The following RANBP2 variants were observed in gnomAD, a reference collection of about 807,000 sequenced individuals.
RANBP2 encodes E3 SUMO-protein ligase RanBP2.
RANBP2 carries 57 observed loss-of-function variants against 303.6 expected under a neutral mutation model. The ratio of observed to expected loss-of-function variants is 0.19; its 90% CI spans 0.15 to 0.23. The LOEUF is 0.23. Ranked by LOEUF, RANBP2 falls within the 10% of genes least tolerant of loss-of-function variation. The pLI is 1.00. For missense variants in RANBP2, 3,138 were observed against 3,780.8 expected, an observed-to-expected ratio of 0.83 and a Z score of 4.46; for synonymous variants, 1,167 against 1,301.5, an observed-to-expected ratio of 0.90 and a Z score of 2.23.
Position 108,735,630 on chromosome 2 carries a change from C to T in RANBP2, c.504C>T (p.Asn168=), listed in dbSNP as rs1352081648. The part of the protein sequence containing the change: ...LYVRPDDVHV[N]IRLVEVYRST... ...TAAGACCTGATGACGTCCATGTGAA[C>T]ATCCGGCTAGTGGAGGTGTATCGCT... The change falls in exon 5 of 29, where the codon AAC becomes AAT. Residue 168 remains asparagine, a synonymous_variant. Coordinates refer to ENST00000283195, the MANE Select transcript of RANBP2 (RefSeq NM_006267.5). 6.3e-7 allele frequency: 1 copy of T among 1,597,576 alleles called. No homozygotes were observed. Among genetic ancestry groups the T allele is most frequent in the Admixed American group, 1.7e-5 (1 of 60,006 alleles).
At chr2:109,121,236 C>T in the RANBP2 span, among the ~76,000 whole-genome samples, 1 of 145,784 alleles carries the variant, frequency 6.9e-6, no homozygotes, top group East Asian at 2.0e-4. Flanking sequence ...GACAGAGTGA[C>T]ACTCCATCTC....
chr2:109,576,549 GA>G, the RANBP2 span, among the ~76,000 whole-genome samples: 1 of 152,026 alleles, frequency 6.6e-6, no homozygotes, highest in East Asian at 1.9e-4. Flanking sequence ...GACCCAATAG[GA>G]TTTACTTTCC....
chr2:109,529,725 C>A, the RANBP2 span, among the ~76,000 whole-genome samples: 3 of 152,174 alleles, frequency 2.0e-5, no homozygotes, highest in Non-Finnish European at 2.9e-5. Context: ...GAAGGACAGA[C>A]CCTGAAGGTC....
the RANBP2 span, among the ~76,000 whole-genome samples, chr2:109,038,350 T>C: frequency 6.8e-3 from 1,034 of 152,148 alleles, 6 homozygotes; most frequent in East Asian, 0.035. Flanking sequence ...AAACTTTTGC[T>C]CTGGCCAAGT....
At chr2:109,415,806 C>G in the RANBP2 span, among the ~76,000 whole-genome samples, 1 of 152,208 alleles carries the variant, frequency 6.6e-6, no homozygotes, top group Non-Finnish European at 1.5e-5. Flanking sequence ...TCACCACCTC[C>G]CTGCTGTGGC....
chr2:109,093,627 T>C, the RANBP2 span, among the ~76,000 whole-genome samples: 1 of 151,844 alleles, frequency 6.6e-6, no homozygotes. Flanking sequence ...AAAAAGATTT[T>C]TTTTTAAGAA....
chr2:109,595,482 T>C, the RANBP2 span, among the ~76,000 whole-genome samples: 1 of 152,096 alleles, frequency 6.6e-6, no homozygotes, highest in Admixed American at 6.6e-5. Flanking sequence ...CAGTATCACG[T>C]CCCTCTAGTC....
chr2:109,031,536 C>G, the RANBP2 span, among the ~76,000 whole-genome samples: 1 of 152,234 alleles, frequency 6.6e-6, no homozygotes, highest in Non-Finnish European at 1.5e-5. Context: ...GCCCGCCTCG[C>G]CGGGCTGCAC....
chr2:109,141,946 C>T, the RANBP2 span, among the ~76,000 whole-genome samples: 7 of 152,192 alleles, frequency 4.6e-5, no homozygotes, highest in East Asian at 1.9e-4. Context: ...TCTACACTCA[C>T]GGAAGTCTCA....
At chr2:109,449,619 G>T in the RANBP2 span, 3 of 1,213,452 alleles carry the variant, frequency 2.5e-6, no homozygotes, top group East Asian at 2.7e-5. Context: ...GCCCCTAGAT[G>T]AACCAGGCGT....
chr2:109,116,125 C>T, the RANBP2 span, among the ~76,000 whole-genome samples: 1,039 of 152,204 alleles, frequency 6.8e-3, 15 homozygotes, highest in Admixed American at 0.022. Flanking sequence ...TTGCTCTTCT[C>T]GAGGAGTATC....
At chr2:108,980,959 G>A in the RANBP2 span, among the ~76,000 whole-genome samples, 2 of 125,582 alleles carry the variant, frequency 1.6e-5, no homozygotes, top group Non-Finnish European at 3.5e-5. Flanking sequence ...GGAAAGACAG[G>A]GACCTCTGAC....
the RANBP2 span, chr2:109,398,709 C>T: frequency 6.2e-7 from 1 of 1,612,524 alleles, no homozygotes; most frequent in African/African-American, 1.3e-5. Context: ...CCCCAAGTCC[C>T]ACTTTAAGCA....
chr2:109,452,765 A>C, the RANBP2 span, among the ~76,000 whole-genome samples: 1 of 149,412 alleles, frequency 6.7e-6, no homozygotes, highest in Non-Finnish European at 1.5e-5. Context: ...TGGTGCTGGC[A>C]GGCTGGTCCC....
chr2:109,564,403 C>T, the RANBP2 span: 1 of 1,591,164 alleles, frequency 6.3e-7, no homozygotes, highest in Non-Finnish European at 8.6e-7. Context: ...TCTGTAAAGC[C>T]CATTTCCTCC....
the RANBP2 span, chr2:108,911,136 G>C: frequency 1.2e-6 from 2 of 1,604,614 alleles, no homozygotes; most frequent in Non-Finnish European, 1.7e-6. Context: ...TTCCCTCCAG[G>C]ACTCCGGCCC....
At chr2:108,854,292 G>A in the RANBP2 span, among the ~76,000 whole-genome samples, 670 of 151,284 alleles carry the variant, frequency 4.4e-3, 4 homozygotes, top group African/African-American at 0.016. Flanking sequence ...TGATTTGGTA[G>A]GAAGCCAGTA....
the RANBP2 span, among the ~76,000 whole-genome samples, chr2:109,650,888 C>A: frequency 6.6e-6 from 1 of 152,110 alleles, no homozygotes; most frequent in Non-Finnish European, 1.5e-5. Context: ...TTATCAGCAG[C>A]ATGAAAACGG....
At chr2:109,292,402 T>C in the RANBP2 span, among the ~76,000 whole-genome samples, 1 of 152,240 alleles carries the variant, frequency 6.6e-6, no homozygotes, top group African/African-American at 2.4e-5. Context: ...TTTCACTTAA[T>C]GCTATGTTTA....
Sources: gnomAD v4.1 joint callset for allele counts (sites outside exome capture counted in the v4.1 genomes callset) on GRCh38, gnomAD v4.1.1 for gene constraint, MANE v1.5 for transcripts, NCBI Gene and HGNC (gene_info 2026-07-23, HGNC 2026-07-21) for gene names.